P2RX4: variants seen among roughly 807,000 people sequenced by gnomAD.
The protein encoded by P2RX4 is purinergic receptor P2X 4.
Under a neutral mutation model 48.0 loss-of-function variants are expected in P2RX4, and 37 were observed. That is an observed-to-expected ratio of 0.77 (90% CI 0.59 to 1.01). P2RX4 has a LOEUF of 1.01. P2RX4 is among the 50% of genes least tolerant of loss of function. P2RX4 has a pLI of 0.00. For synonymous variants in P2RX4, 200 were observed against 199.7 expected, an observed-to-expected ratio of 1.00 and a Z score of -0.01; for missense variants, 501 against 521.4, an observed-to-expected ratio of 0.96 and a Z score of 0.38.
intron 8 of P2RX4, among the ~76,000 whole-genome samples, chr12:121,230,625 T>A (rs892233804): frequency 6.6e-6 from 1 of 152,230 alleles, no homozygotes; most frequent in South Asian, 2.1e-4. Context: ...GTCACACACT[T>A]CTTGTGGAAA....
At chr12:121,222,522 C>G (rs1485659939) in intron 4 of P2RX4, 1 of 441,328 alleles carries the variant, frequency 2.3e-6, no homozygotes, top group Non-Finnish European at 4.4e-6. Context: ...AAACAATTCT[C>G]CTGCCTCAGC....
Position 121,221,975 on chromosome 12 carries a change from G to A in P2RX4, c.345G>A (p.Leu115=). ...VILTMNQTQG[L]CPEIPDATTV... is the part of the protein sequence containing the mutation. ...TCACCATGAACCAGACACAGGGCCT[G>A]TGCCCCGAGGTAGGAGGCCCCCGGG... Residue 115 remains leucine (L), a synonymous_variant, in exon 3 of 12, where the codon CTG becomes CTA. Transcript: ENST00000337233. The A allele has an allele frequency of 2.5e-6, 4 of 1,614,154 alleles. No homozygotes were observed. The highest frequency in any genetic ancestry group is 2.2e-5 in the East Asian group (1 of 44,890).
Position 121,229,224 on chromosome 12 carries a change from C to G in P2RX4, c.884+125C>G, listed in dbSNP as rs890654915. The stretch of plus-strand genomic sequence containing the variant: ...CCCCAAGGGCAGGCTGCCGGTCCCC[C>G]GTCCAAGGCGGCGGGAAGGCCATGC... On this transcript the variant is annotated intron_variant, in intron 8 of 11. Coordinates refer to ENST00000337233, the MANE Select transcript of P2RX4 (RefSeq NM_002560.3). The surrounding 1 kb of genome is among the most constrained non-coding windows in gnomAD (Gnocchi z 4.6). The G allele has an allele frequency of 8.4e-7, 1 of 1,197,344 alleles. No individual in the cohort carries two copies. Among genetic ancestry groups the G allele is most frequent in the East Asian group, 2.4e-5 (1 of 42,464 alleles). The allele number at this position is 1,197,344 out of a possible 1,614,324, so 74.2% of individuals were successfully genotyped here.
At chr12:121,230,970 T>TTATATATATAGCCATTATA (rs1887309495) in intron 8 of P2RX4, among the ~76,000 whole-genome samples, 2 of 70,984 alleles carry the variant, frequency 2.8e-5, no homozygotes, top group Admixed American at 1.4e-4. Flanking sequence ...TATATAGCCA[T>TTATATATATAGCCATTATA]TATATATATA....
chr12:121,217,172 A>G lies in P2RX4; in HGVS notation c.173A>G (p.Asp58Gly), dbSNP rs764038672. The change falls in exon 2 of 12, where the codon GAC becomes GGC. Residue 58 changes from aspartate (D) to glycine (G), a missense_variant. Around this residue, in one of 3 missense-constraint regions of P2RX4, gnomAD observed 295 missense variants for 275.3 expected, o/e 1.07. Coordinates refer to ENST00000337233, the MANE Select transcript of P2RX4 (RefSeq NM_002560.3). ...FVWEKGYQET[D>G]SVVSSVTTKV... ...TGGGAAAAGGGCTACCAGGAAACTG[A>G]CTCCGTGGTCAGCTCCGTTACGACC... 61 of 1,614,016 alleles carry G rather than the reference A, an allele frequency of 3.8e-5. No homozygotes were observed. Among genetic ancestry groups the G allele is most frequent in the Non-Finnish European group, 4.5e-5 (53 of 1,180,024 alleles).
intron 1 of P2RX4, chr12:121,216,490 T>A (rs2136218517): frequency 5.4e-6 from 1 of 185,188 alleles, no homozygotes; most frequent in South Asian, 1.1e-4. Context: ...ATAATTTGTA[T>A]TATCTCTTGG....
chr12:121,222,356 G>C, intron 4 of P2RX4, 190 bp downstream of exon 4: 1 of 580,240 alleles, frequency 1.7e-6, no homozygotes, highest in Non-Finnish European at 3.0e-6. Context: ...CCCAGCTCTT[G>C]CCCTACTGTT....
chr12:121,211,835 C>T (rs547384950), intron 1 of P2RX4, among the ~76,000 whole-genome samples: 8 of 152,250 alleles, frequency 5.3e-5, no homozygotes, highest in East Asian at 1.9e-4. Context: ...CCACCATGCC[C>T]GGCTAATTTT....
chr12:121,223,059 G>GGGAA lies in P2RX4; in HGVS notation c.524+22_524+25dup. 6.5e-7 allele frequency: 1 copy of GGGAA among 1,534,564 alleles called. No individual in the cohort carries two copies. The highest frequency in any genetic ancestry group is 9.0e-7 in the Non-Finnish European group (1 of 1,108,098). ...ACGTGCCACAGTGAGTCCAGCCCTA[G>GGGAA]GGAAGGAAGTGCCTTTTTGTTTTGT... is the stretch of plus-strand genomic sequence containing the variant. On this transcript the variant is annotated intron_variant, in intron 5 of 11. Transcript: ENST00000337233.
chr12:121,229,071 C>T lies in P2RX4; in HGVS notation c.856C>T (p.His286Tyr). 1 of 1,614,160 alleles carries T rather than the reference C, an allele frequency of 6.2e-7. No individual in the cohort carries two copies. Residue 286 changes from histidine to tyrosine, a missense_variant, in exon 8 of 12, where the codon CAC (histidine) becomes TAC (tyrosine). His to Tyr is a moderately conservative substitution (Grantham distance 83). Transcript: ENST00000337233. This position sits in a 1 kb window ranked among gnomAD's most constrained non-coding sequence, Gnocchi z 4.6. ...FRRLDTRDVE[H>Y]NVSPGYNFRF... is the part of the protein sequence containing the mutation. ...CCGCCTCGATACACGGGACGTTGAG[C>T]ACAACGTATCTCCTGGCTACAATTT... is the stretch of plus-strand genomic sequence containing the variant.
chr12:121,231,704 T>A (rs548951492), intron 8 of P2RX4, among the ~76,000 whole-genome samples: 15 of 152,278 alleles, frequency 9.9e-5, no homozygotes, highest in African/African-American at 3.4e-4. Context: ...AACGAGTGGT[T>A]CTTTTTGTTG....
At chr12:121,211,714 G>A (rs1885863605) in intron 1 of P2RX4, among the ~76,000 whole-genome samples, 3 of 151,406 alleles carry the variant, frequency 2.0e-5, no homozygotes, top group African/African-American at 4.9e-5. Context: ...TCCCTCTGTC[G>A]CCCAGGCTGG....
At chr12:121,220,300 C>G (rs1383450752) in intron 2 of P2RX4, among the ~76,000 whole-genome samples, 1 of 123,610 alleles carries the variant, frequency 8.1e-6, no homozygotes, top group East Asian at 1.9e-4. Context: ...AGTTTGCAGA[C>G]CCCCCCCTTT....
chr12:121,229,370 G>A lies in P2RX4; in HGVS notation c.884+271G>A, dbSNP rs1221111108. On this transcript the variant is annotated intron_variant, in intron 8 of 11. Coordinates refer to ENST00000337233, the MANE Select transcript of P2RX4 (RefSeq NM_002560.3). The surrounding 1 kb of genome is among the most constrained non-coding windows in gnomAD (Gnocchi z 4.6). ...GTTCTTAGAGCAGCCAGGAGAAGCT[G>A]GGGGCTTAAGCTTTCCAGCACCTGC... is the stretch of plus-strand genomic sequence containing the variant. Among the ~76,000 whole-genome samples the A allele has an allele frequency of 1.3e-5, 2 of 152,170 alleles. No individual in the cohort carries two copies. Among genetic ancestry groups the A allele is most frequent in the Non-Finnish European group, 2.9e-5 (2 of 68,020 alleles).
Position 121,233,881 on chromosome 12 carries a change from C to A in P2RX4, c.*332C>A. ...TTGCTCAGAAGCCTCCTGTCTCCAGCTCTCTCCAGGACAGGCCCAGTCCTC... is the reference window on the plus strand; with the variant it reads ...TTGCTCAGAAGCCTCCTGTCTCCAGATCTCTCCAGGACAGGCCCAGTCCTC... On this transcript the variant is annotated 3_prime_UTR_variant, in exon 12 of 12. Coordinates refer to ENST00000337233, the MANE Select transcript of P2RX4 (RefSeq NM_002560.3). The A allele has an allele frequency of 2.3e-6, 1 of 427,616 alleles. No individual in the cohort carries two copies. The highest frequency in any genetic ancestry group is 4.4e-6 in the Non-Finnish European group (1 of 229,820). The allele number at this position is 427,616 out of a possible 1,614,324, so 26.5% of individuals were successfully genotyped here. A position where few individuals can be genotyped will look rare whatever the true frequency, so the allele number is the denominator to read the frequency against.
rs1469200626 is a variant in P2RX4 at position 121,217,117 on chromosome 12, C to G, written c.135-17C>G. The G allele has an allele frequency of 1.2e-6, 2 of 1,613,176 alleles. No individual in the cohort carries two copies. Among genetic ancestry groups the G allele is most frequent in the African/African-American group, 1.3e-5 (1 of 74,908 alleles). On this transcript the variant is annotated splice_polypyrimidine_tract_variant and intron_variant, in intron 1 of 11. Transcript: ENST00000337233. The stretch of plus-strand genomic sequence containing the variant: ...TGAATCCTAATGGCAATTTAAGAGG[C>G]CTGTTTTATTTTATAGGTGGGTGTT...
chr12:121,214,127 G>A (rs1410004987), intron 1 of P2RX4: 3 of 152,138 alleles, frequency 2.0e-5, no homozygotes, highest in African/African-American at 7.2e-5. Flanking sequence ...GCTGTAGCCT[G>A]GGAGGCGGAG....
intron 4 of P2RX4, chr12:121,222,619 C>T: frequency 1.8e-6 from 1 of 569,712 alleles, no homozygotes; most frequent in Non-Finnish European, 3.1e-6. Flanking sequence ...ACCATGTTGG[C>T]CAGGCTGGTC....
In P2RX4 at chr12:121,233,518, T is replaced by C; in HGVS notation, c.1141-5T>C. 6.2e-7 allele frequency: 1 copy of C among 1,607,444 alleles called. No homozygotes were observed. Among genetic ancestry groups the C allele is most frequent in the Non-Finnish European group, 8.5e-7 (1 of 1,176,644 alleles). On this transcript the variant is annotated splice_region_variant and splice_polypyrimidine_tract_variant and intron_variant, in intron 11 of 11. Transcript: ENST00000337233. ...ACCTTGATCTGCTTGTGTCCTTCTT[T>C]GCAGGGTCTTGCTAGTGAGCTGGAC...
Sources: allele counts gnomAD v4.1 joint callset (sites outside exome capture counted in the v4.1 genomes callset), GRCh38; gene constraint gnomAD v4.1.1; regional missense constraint gnomAD v4.1.1; non-coding constraint Gnocchi (gnomAD v3.1); transcripts MANE v1.5; gene names NCBI Gene and HGNC (gene_info 2026-07-23, HGNC 2026-07-21).